ITPRID1: variants seen among roughly 807,000 people sequenced by gnomAD.
The protein encoded by ITPRID1 is ITPR interacting domain containing 1.
In ITPRID1, 96 loss-of-function variants were observed where a neutral mutation model predicts 95.4. The ratio of observed to expected loss-of-function variants is 1.01; its 90% CI spans 0.85 to 1.19. The LOEUF (loss-of-function observed/expected upper bound fraction) is 1.19. Ranked by LOEUF, ITPRID1 falls within the 50% of genes most tolerant of loss-of-function variation. The pLI, the probability that ITPRID1 is intolerant of heterozygous loss-of-function variation, is 0.00. For missense variants in ITPRID1, 1,339 were observed against 1,252.9 expected, an observed-to-expected ratio of 1.07 and a Z score of -1.04; for synonymous variants, 510 against 453.6, an observed-to-expected ratio of 1.12 and a Z score of -1.58.
intron 10 of ITPRID1, among the ~76,000 whole-genome samples, chr7:31,630,431 T>A (rs1318158989): frequency 1.3e-5 from 2 of 152,126 alleles, no homozygotes; most frequent in African/African-American, 4.8e-5. Flanking sequence ...CTGTCTTTAT[T>A]AATACATCAG....
intron 10 of ITPRID1, among the ~76,000 whole-genome samples, chr7:31,628,007 C>T (rs1562629291): frequency 6.6e-6 from 1 of 152,152 alleles, no homozygotes; most frequent in Non-Finnish European, 1.5e-5. Flanking sequence ...AATGTGGAAG[C>T]ACCTCAAGGT....
intron 10 of ITPRID1, among the ~76,000 whole-genome samples, chr7:31,634,212 T>G (rs1789272240): frequency 6.6e-6 from 1 of 152,178 alleles, no homozygotes; most frequent in African/African-American, 2.4e-5. Flanking sequence ...AGGGTCCCCC[T>G]AATTGGGAGG....
At chr7:31,536,627 T>C (rs1224318953) in intron 1 of ITPRID1, among the ~76,000 whole-genome samples, 1 of 152,208 alleles carries the variant, frequency 6.6e-6, no homozygotes, top group East Asian at 1.9e-4. Flanking sequence ...AACATCCTTT[T>C]TTTCTATCAA....
At chr7:31,631,569 C>T (rs1251173537) in intron 10 of ITPRID1, among the ~76,000 whole-genome samples, 1 of 151,950 alleles carries the variant, frequency 6.6e-6, no homozygotes, top group Non-Finnish European at 1.5e-5. Context: ...AGTATTGAGC[C>T]AAAGATAAGT....
intron 10 of ITPRID1, among the ~76,000 whole-genome samples, chr7:31,625,338 C>T (rs991504563): frequency 6.6e-6 from 1 of 151,916 alleles, no homozygotes; most frequent in East Asian, 1.9e-4. Context: ...TTTATTGCGG[C>T]ACTATTCACA....
chr7:31,622,871 AAAG>A (rs1340066206), intron 10 of ITPRID1, among the ~76,000 whole-genome samples: 3 of 152,214 alleles, frequency 2.0e-5, no homozygotes, highest in Admixed American at 6.5e-5. Context: ...CAAGACTAAT[AAAG>A]AAGAAAAGAG....
At chr7:31,559,069 G>C (rs532380568) in intron 5 of ITPRID1, among the ~76,000 whole-genome samples, 2 of 151,936 alleles carry the variant, frequency 1.3e-5, no homozygotes, top group African/African-American at 4.8e-5. Flanking sequence ...TACAAATTAG[G>C]TTACAATAAC....
chr7:31,614,376 TA>T (rs533833686), intron 10 of ITPRID1, among the ~76,000 whole-genome samples: 2 of 152,102 alleles, frequency 1.3e-5, no homozygotes, highest in African/African-American at 4.8e-5. Context: ...AATAACTTGT[TA>T]AAAAAACTCT....
intron 1 of ITPRID1, among the ~76,000 whole-genome samples, chr7:31,526,805 CA>C (rs1408569313): frequency 6.6e-6 from 1 of 152,108 alleles, no homozygotes; most frequent in Non-Finnish European, 1.5e-5. Context: ...GCCATGATTA[CA>C]GTCACCATAA....
chr7:31,515,706 T>C (rs902776674), intron 1 of ITPRID1, among the ~76,000 whole-genome samples: 1 of 152,234 alleles, frequency 6.6e-6, no homozygotes, highest in Non-Finnish European at 1.5e-5. Context: ...CATTGTAAGA[T>C]TGAAAACGTA....
intron 10 of ITPRID1, among the ~76,000 whole-genome samples, chr7:31,623,533 G>A (rs970072270): frequency 6.0e-5 from 9 of 149,920 alleles, no homozygotes; most frequent in African/African-American, 2.3e-4. Flanking sequence ...ATGCAGAAAA[G>A]GCCTTTGACA....
intron 10 of ITPRID1, among the ~76,000 whole-genome samples, chr7:31,602,609 C>T (rs1423961501): frequency 1.3e-5 from 2 of 152,126 alleles, no homozygotes; most frequent in Admixed American, 1.3e-4. Context: ...TCGTTGGAAG[C>T]TTGCACTGGG....
chr7:31,570,323 C>T (rs1384099030), intron 6 of ITPRID1, among the ~76,000 whole-genome samples: 1 of 152,130 alleles, frequency 6.6e-6, no homozygotes, highest in Non-Finnish European at 1.5e-5. Flanking sequence ...CCAATCCCCA[C>T]CCTAGACCTA....
intron 10 of ITPRID1, among the ~76,000 whole-genome samples, chr7:31,637,564 A>G (rs903195912): frequency 3.9e-5 from 6 of 151,940 alleles, no homozygotes; most frequent in African/African-American, 7.3e-5. Flanking sequence ...CATATCCTTT[A>G]CCCACTTTTT....
intron 10 of ITPRID1, among the ~76,000 whole-genome samples, chr7:31,609,802 TTTA>T (rs1407924992): frequency 6.6e-6 from 1 of 151,582 alleles, no homozygotes; most frequent in Non-Finnish European, 1.5e-5. Flanking sequence ...TGCTCCAATC[TTTA>T]TTATTTTTTT....
chr7:31,515,528 T>C (rs894574647), intron 1 of ITPRID1, among the ~76,000 whole-genome samples: 1 of 152,060 alleles, frequency 6.6e-6, no homozygotes, highest in Non-Finnish European at 1.5e-5. Flanking sequence ...TGAGCTGAGA[T>C]ATCACCATTG....
intron 1 of ITPRID1, among the ~76,000 whole-genome samples, chr7:31,524,274 A>G (rs987481282): frequency 1.3e-5 from 2 of 152,190 alleles, no homozygotes; most frequent in African/African-American, 4.8e-5. Context: ...TGTCAAGTCA[A>G]TCCAGCACAG....
chr7:31,547,079 C>T (rs557770973), intron 1 of ITPRID1, among the ~76,000 whole-genome samples: 125 of 149,174 alleles, frequency 8.4e-4, no homozygotes, highest in African/African-American at 2.8e-3. Context: ...GCCAAAAATT[C>T]TGAAATGATA....
intron 10 of ITPRID1, among the ~76,000 whole-genome samples, chr7:31,637,952 G>T (rs1012712841): frequency 3.3e-5 from 5 of 152,176 alleles, no homozygotes; most frequent in Admixed American, 1.3e-4. Flanking sequence ...GCTTTCTACA[G>T]ATGGCTAGCC....
Sources: allele counts gnomAD v4.1 joint callset (sites outside exome capture counted in the v4.1 genomes callset), GRCh38; gene constraint gnomAD v4.1.1; transcripts MANE v1.5; gene names NCBI Gene and HGNC (gene_info 2026-07-23, HGNC 2026-07-21).